Variants in CAMTA1 observed in about 807,000 individuals in gnomAD.
CAMTA1 encodes calmodulin binding transcription activator 1.
Under a neutral mutation model 170.9 loss-of-function variants are expected in CAMTA1, and 27 were observed. The observed-to-expected ratio is 0.16, with a 90% CI of 0.12 to 0.22. CAMTA1 has a LOEUF of 0.22. Among genes scored for constraint, CAMTA1 ranks in the 10% least tolerant of loss-of-function variants. The pLI is 1.00. For synonymous variants in CAMTA1, 833 were observed against 891.5 expected (o/e 0.93, Z 1.17); for missense variants, 1,619 against 2,217.2 (o/e 0.73, Z 5.42).
chr1:7,087,924 C>T lies in CAMTA1; in HGVS notation c.235-3380C>T, dbSNP rs562008561. Among the ~76,000 whole-genome samples the T allele has an allele frequency of 8.5e-5, 13 of 152,298 alleles. No homozygotes were observed. The East Asian group carries it at 2.3e-3, about 27-fold the overall frequency. On this transcript the variant is annotated intron_variant, in intron 3 of 22. Transcript: ENST00000303635. The stretch of plus-strand genomic sequence containing the variant: ...ACTTTGTGTGGTTTTCGTTCTTTAG[C>T]GAATCTCCCCAAACGAGTTCCTGAG...
chr1:6,839,035 G>A (rs1265426424), intron 3 of CAMTA1, among the ~76,000 whole-genome samples: 3 of 151,994 alleles, frequency 2.0e-5, no homozygotes, highest in Admixed American at 2.0e-4. Flanking sequence ...GGGATTACAG[G>A]TGTGAGCCAT....
chr1:6,904,815 A>G (rs1400750445), intron 3 of CAMTA1, among the ~76,000 whole-genome samples: 2 of 136,634 alleles, frequency 1.5e-5, no homozygotes, highest in African/African-American at 2.8e-5. Context: ...CTGATCTCGA[A>G]CTCCTGAGCT....
chr1:7,652,858 G>A (rs1324128242), intron 7 of CAMTA1, among the ~76,000 whole-genome samples: 1 of 152,138 alleles, frequency 6.6e-6, no homozygotes. Context: ...AGTGGAAAGA[G>A]CTTGAATCTG....
intron 3 of CAMTA1, among the ~76,000 whole-genome samples, chr1:7,077,275 C>T (rs1194789681): frequency 7.4e-6 from 1 of 135,692 alleles, no homozygotes; most frequent in South Asian, 2.3e-4. Context: ...ATGAAAGAAG[C>T]TTCTGTTTTG....
intron 6 of CAMTA1, among the ~76,000 whole-genome samples, chr1:7,540,230 T>G (rs1306846165): frequency 6.6e-6 from 1 of 151,238 alleles, no homozygotes; most frequent in Non-Finnish European, 1.5e-5. Flanking sequence ...CATGAATGAA[T>G]GGAGAAATGG....
chr1:7,342,521 A>G (rs2083910341), intron 5 of CAMTA1, among the ~76,000 whole-genome samples: 1 of 152,114 alleles, frequency 6.6e-6, no homozygotes, highest in South Asian at 2.1e-4. Flanking sequence ...GGGGTCTGGG[A>G]TGGGAAGAAA....
intron 22 of CAMTA1, among the ~76,000 whole-genome samples, chr1:7,758,477 T>C (rs1027213954): frequency 2.0e-5 from 3 of 152,204 alleles, no homozygotes; most frequent in Non-Finnish European, 4.4e-5. Context: ...GAATAGCGTA[T>C]ATATGGCTTT....
chr1:7,713,918 G>T (rs2096590224), intron 11 of CAMTA1, among the ~76,000 whole-genome samples: 1 of 152,112 alleles, frequency 6.6e-6, no homozygotes, highest in African/African-American at 2.4e-5. Flanking sequence ...TCAGCATAGG[G>T]GATATTGCCC....
chr1:7,407,815 G>T (rs1005691965), intron 5 of CAMTA1, among the ~76,000 whole-genome samples: 2 of 152,024 alleles, frequency 1.3e-5, no homozygotes, highest in African/African-American at 4.8e-5. Flanking sequence ...CAAGGCCATC[G>T]CAGGGCATTG....
At chr1:7,099,206 A>G (rs976283812) in intron 4 of CAMTA1, among the ~76,000 whole-genome samples, 5 of 151,646 alleles carry the variant, frequency 3.3e-5, no homozygotes, top group African/African-American at 9.7e-5. Context: ...GCCTGCCACC[A>G]CTCCTGGCTA....
chr1:7,038,902 T>C (rs987766030), intron 3 of CAMTA1, among the ~76,000 whole-genome samples: 13 of 151,962 alleles, frequency 8.6e-5, no homozygotes, highest in African/African-American at 2.7e-4. Context: ...TAGCCGGTCA[T>C]AGTGGCAGGC....
intron 5 of CAMTA1, among the ~76,000 whole-genome samples, chr1:7,277,123 T>A (rs1434490024): frequency 1.3e-5 from 2 of 152,194 alleles, no homozygotes; most frequent in African/African-American, 4.8e-5. Flanking sequence ...TCAGTGTTGT[T>A]AAGATGGCAG....
chr1:6,919,913 G>A (rs554400308), intron 3 of CAMTA1, among the ~76,000 whole-genome samples: 69 of 151,768 alleles, frequency 4.5e-4, no homozygotes, highest in African/African-American at 1.5e-3. Context: ...CCCATAACAC[G>A]TGGGAATTAT....
intron 6 of CAMTA1, among the ~76,000 whole-genome samples, chr1:7,560,366 G>A (rs929207867): frequency 6.6e-6 from 1 of 152,234 alleles, no homozygotes; most frequent in Admixed American, 6.5e-5. Context: ...TGAGCCCCAG[G>A]GGTGAGAGGC....
chr1:6,917,101 G>C (rs1027315513), intron 3 of CAMTA1, among the ~76,000 whole-genome samples: 1 of 152,198 alleles, frequency 6.6e-6, no homozygotes, highest in African/African-American at 2.4e-5. Flanking sequence ...GTTCCAGGCA[G>C]AGGGAGTTGC....
chr1:7,104,553 C>T (rs751635584), intron 4 of CAMTA1, among the ~76,000 whole-genome samples: 1 of 152,180 alleles, frequency 6.6e-6, no homozygotes. Flanking sequence ...CCAGAGGCTC[C>T]AAGCACCAAG....
At position 7,224,837 on chromosome 1, in the gene CAMTA1, C is replaced by T. The variant is rs1299482116; in HGVS notation, c.303-24654C>T. Among the ~76,000 whole-genome samples, 1 of 152,194 alleles carries T rather than the reference C, an allele frequency of 6.6e-6. No homozygotes were observed. Among genetic ancestry groups the T allele is most frequent in the African/African-American group, 2.4e-5 (1 of 41,448 alleles). Reference sequence around the variant, plus strand: ...TCTGGATGGTCCGTTGGCACCCTGCCCACCGCACTTCAGCTTCCCTTGCTG... The same window carrying T: ...TCTGGATGGTCCGTTGGCACCCTGCTCACCGCACTTCAGCTTCCCTTGCTG... On this transcript the variant is annotated intron_variant, in intron 4 of 22. Transcript: ENST00000303635. This position sits in a 1 kb window ranked among gnomAD's most constrained non-coding sequence, Gnocchi z 5.2.
At chr1:7,573,017 T>C (rs2095143280) in intron 6 of CAMTA1, among the ~76,000 whole-genome samples, 1 of 152,220 alleles carries the variant, frequency 6.6e-6, no homozygotes, top group Non-Finnish European at 1.5e-5. Flanking sequence ...TGGCCTGTGT[T>C]CTACCAGGAA....
chr1:7,392,724 A>AT (rs1444328740), intron 5 of CAMTA1, among the ~76,000 whole-genome samples: 2 of 152,078 alleles, frequency 1.3e-5, no homozygotes, highest in African/African-American at 4.8e-5. Flanking sequence ...AATATAAAAA[A>AT]TTAGCCGGGT....
Sources: gnomAD v4.1 joint callset for allele counts (sites outside exome capture counted in the v4.1 genomes callset) on GRCh38, gnomAD v4.1.1 for gene constraint, Gnocchi (gnomAD v3.1) non-coding constraint, MANE v1.5 for transcripts, NCBI Gene and HGNC (gene_info 2026-07-23, HGNC 2026-07-21) for gene names.